Variants in FAM178B observed in about 807,000 individuals in gnomAD.
FAM178B encodes the protein family with sequence similarity 178 member B.
In FAM178B, 82 loss-of-function variants were observed where a neutral mutation model predicts 91.7. The ratio of observed to expected loss-of-function variants is 0.89; its 90% CI spans 0.75 to 1.07. FAM178B has a LOEUF of 1.07. Ranked by LOEUF, FAM178B falls within the 50% of genes least tolerant of loss-of-function variation. The pLI is 0.00. For missense variants in FAM178B, 769 were observed against 846.7 expected (o/e 0.91, Z 1.14); for synonymous variants, 368 against 359.4 (o/e 1.02, Z -0.27).
chr2:96,966,769 T>A (rs1031694574), intron 5 of FAM178B, among the ~76,000 whole-genome samples: 3 of 152,104 alleles, frequency 2.0e-5, no homozygotes, highest in African/African-American at 7.2e-5. Flanking sequence ...ATGAATAGGA[T>A]TGGTACCCTT....
At chr2:96,927,997 C>A (rs779556554) in intron 9 of FAM178B, among the ~76,000 whole-genome samples, 2 of 152,174 alleles carry the variant, frequency 1.3e-5, no homozygotes, top group Non-Finnish European at 2.9e-5. Flanking sequence ...CTGCGAGCTC[C>A]GGGAGGGAAA....
At chr2:96,918,480 C>T (rs2081279075) in intron 12 of FAM178B, among the ~76,000 whole-genome samples, 2 of 152,230 alleles carry the variant, frequency 1.3e-5, no homozygotes, top group Admixed American at 1.3e-4. Context: ...ACCAGATTGA[C>T]TAAAACTCAA....
At chr2:96,927,314 T>C (rs1015562843) in intron 9 of FAM178B, among the ~76,000 whole-genome samples, 2 of 152,118 alleles carry the variant, frequency 1.3e-5, no homozygotes, top group East Asian at 1.9e-4. Flanking sequence ...TGACCGGTGG[T>C]CCCCAGCCTG....
intron 14 of FAM178B, among the ~76,000 whole-genome samples, chr2:96,882,587 C>T (rs550676164): frequency 3.2e-4 from 48 of 152,356 alleles, no homozygotes; most frequent in Admixed American, 7.8e-4. Flanking sequence ...TTCCCTTCCA[C>T]GAGGCAGGAG....
intron 13 of FAM178B, among the ~76,000 whole-genome samples, chr2:96,899,305 A>G (rs1419850241): frequency 6.6e-6 from 1 of 152,202 alleles, no homozygotes; most frequent in South Asian, 2.1e-4. Flanking sequence ...GTTAGTCACT[A>G]TGGCCGTGGC....
intron 15 of FAM178B, 87 bp downstream of exon 15, chr2:96,878,329 G>A (rs2080297012): frequency 7.8e-7 from 1 of 1,284,448 alleles, no homozygotes; most frequent in Non-Finnish European, 1.1e-6. Flanking sequence ...ACAGTGGGCT[G>A]GGCGCCATCC....
rs776138400 is a variant in FAM178B at position 96,902,706 on chromosome 2, G to C, written c.1564C>G (p.Arg522Gly). ...ACAAGGCTGAGCTGGCTTCGAAGCC[G>C]CCTGGGGGAAAAGCGACAGCCTGAG... ...FFPDMTSRSR[R>G]LRSQLSLVVI... is the part of the protein sequence containing the mutation. The change falls in exon 13 of 17, where the codon CGG (arginine) becomes GGG (glycine). Residue 522 changes from arginine (R) to glycine (G), a missense_variant and splice_region_variant. By Grantham distance (125) the Arg-to-Gly change is moderately radical. Transcript: ENST00000490605. 6.5e-7 allele frequency: 1 copy of C among 1,549,372 alleles called. No homozygotes were observed. Among genetic ancestry groups the C allele is most frequent in the African/African-American group, 1.4e-5 (1 of 72,972 alleles).
chr2:96,894,898 C>G (rs1306418455), intron 13 of FAM178B, among the ~76,000 whole-genome samples: 1 of 137,500 alleles, frequency 7.3e-6, no homozygotes, highest in Non-Finnish European at 1.6e-5. Flanking sequence ...CCCACAGACC[C>G]TCACCCACAC....
intron 5 of FAM178B, among the ~76,000 whole-genome samples, chr2:96,965,945 C>A (rs1574311876): frequency 2.0e-5 from 3 of 152,142 alleles, no homozygotes; most frequent in South Asian, 2.1e-4. Flanking sequence ...ACCCCATCCT[C>A]AAGCACCGTC....
At chr2:96,959,595 C>T (rs893671167) in intron 6 of FAM178B, among the ~76,000 whole-genome samples, 2 of 152,192 alleles carry the variant, frequency 1.3e-5, no homozygotes, top group Non-Finnish European at 2.9e-5. Context: ...TTCTCCACCG[C>T]CCTGGCCTCC....
chr2:96,911,206 C>T (rs961785743), intron 12 of FAM178B, among the ~76,000 whole-genome samples: 1 of 152,188 alleles, frequency 6.6e-6, no homozygotes, highest in African/African-American at 2.4e-5. Flanking sequence ...GGCCACAGCA[C>T]CTGTCCCTCT....
At chr2:96,961,326 T>TGC (rs1379922081) in intron 5 of FAM178B, among the ~76,000 whole-genome samples, 1 of 151,450 alleles carries the variant, frequency 6.6e-6, no homozygotes, top group Non-Finnish European at 1.5e-5. Context: ...TGTGTGTGTG[T>TGC]GTGTGTGTGT....
intron 6 of FAM178B, chr2:96,956,616 TCTC>T (rs2082003702): frequency 1.3e-5 from 2 of 152,242 alleles, no homozygotes; most frequent in African/African-American, 4.8e-5. Flanking sequence ...TTTACTTTCC[TCTC>T]TTCTAATGAT....
intron 6 of FAM178B, among the ~76,000 whole-genome samples, chr2:96,959,860 C>T (rs932541933): frequency 2.0e-5 from 3 of 152,214 alleles, no homozygotes; most frequent in African/African-American, 7.2e-5. Flanking sequence ...GCTGGGGACA[C>T]GCTTTTCAGT....
chr2:96,903,070 C>T (rs972628892), intron 12 of FAM178B, among the ~76,000 whole-genome samples: 15 of 152,276 alleles, frequency 9.9e-5, no homozygotes, highest in East Asian at 5.8e-4. Context: ...GACGGAGTCT[C>T]GCTCTGTCGC....
chr2:96,980,020 T>A (rs1433651463), intron 1 of FAM178B, among the ~76,000 whole-genome samples: 2 of 152,174 alleles, frequency 1.3e-5, no homozygotes, highest in Non-Finnish European at 2.9e-5. Flanking sequence ...AGATTGCTGG[T>A]ATCTTAAATG....
chr2:96,923,353 G>A, intron 10 of FAM178B, 137 bp downstream of exon 10: 2 of 673,120 alleles, frequency 3.0e-6, no homozygotes, highest in Non-Finnish European at 2.7e-6. Flanking sequence ...TGTAGCATCC[G>A]GCCCACAGCC....
At chr2:96,964,201 T>C (rs1460029389) in intron 5 of FAM178B, among the ~76,000 whole-genome samples, 1 of 108,806 alleles carries the variant, frequency 9.2e-6, no homozygotes, top group Admixed American at 9.0e-5. Context: ...AGAGAGATGA[T>C]TATCAGAAAA....
chr2:96,898,834 G>T (rs2080871801), intron 13 of FAM178B, among the ~76,000 whole-genome samples: 1 of 152,202 alleles, frequency 6.6e-6, no homozygotes, highest in South Asian at 2.1e-4. Context: ...CTGCGGGTCG[G>T]GGGTGACAGG....
Sources: gnomAD v4.1 joint callset for allele counts (sites outside exome capture counted in the v4.1 genomes callset) on GRCh38, gnomAD v4.1.1 for gene constraint, MANE v1.5 for transcripts, NCBI Gene and HGNC (gene_info 2026-07-23, HGNC 2026-07-21) for gene names.